GMDS: variants seen among roughly 807,000 people sequenced by gnomAD.
GMDS encodes GDP-mannose 4,6-dehydratase.
GMDS carries 20 observed loss-of-function variants against 49.9 expected under a neutral mutation model. That is an observed-to-expected ratio of 0.40 (90% CI 0.28 to 0.58). GMDS has a LOEUF of 0.58. Ranked by LOEUF, GMDS falls within the 20% of genes least tolerant of loss-of-function variation. GMDS has a pLI of 0.42. For missense variants in GMDS, 362 were observed against 481.4 expected, an observed-to-expected ratio of 0.75 and a Z score of 2.32; for synonymous variants, 177 against 178.6, an observed-to-expected ratio of 0.99 and a Z score of 0.07.
At chr6:1,882,661 C>G (rs907730679) in intron 7 of GMDS, among the ~76,000 whole-genome samples, 1 of 152,166 alleles carries the variant, frequency 6.6e-6, no homozygotes, top group African/African-American at 2.4e-5. Flanking sequence ...AGCAGAGGGT[C>G]AGTGAGCAAA....
chr6:1,985,781 A>T (rs1765508424), intron 4 of GMDS, among the ~76,000 whole-genome samples: 1 of 152,206 alleles, frequency 6.6e-6, no homozygotes. Context: ...AGAGGGAGCA[A>T]GAGAAGGGTG....
chr6:2,082,409 G>A (rs907573837), intron 4 of GMDS, among the ~76,000 whole-genome samples: 2 of 152,224 alleles, frequency 1.3e-5, no homozygotes, highest in African/African-American at 4.8e-5. Context: ...CAGGCCAGCG[G>A]CCCAGGGCCC....
At chr6:2,142,504 C>T (rs1004946856) in intron 1 of GMDS, among the ~76,000 whole-genome samples, 1 of 152,156 alleles carries the variant, frequency 6.6e-6, no homozygotes, top group African/African-American at 2.4e-5. Context: ...GGTGTTTCTA[C>T]AAGCCAAGGA....
intron 4 of GMDS, among the ~76,000 whole-genome samples, chr6:1,975,974 C>T (rs1019434182): frequency 1.2e-4 from 18 of 151,760 alleles, no homozygotes; most frequent in African/African-American, 4.1e-4. Context: ...GAGATGGTCA[C>T]CTGGAACTCG....
rs530697387 is a variant in GMDS at position 2,137,606 on chromosome 6, T to C, written c.103-12875A>G. Among the ~76,000 whole-genome samples, 30 of 152,336 alleles carry C rather than the reference T, an allele frequency of 2.0e-4. 1 individual carries two copies. The highest frequency in any genetic ancestry group is 3.4e-3 in the Middle Eastern group (1 of 294). Reference sequence around the variant, plus strand: ...ACTTTGGCTTCCCAAAGTGCTGGGATTGCAGGTGTGAGCCACCGCGCCCGG... The same window carrying C: ...ACTTTGGCTTCCCAAAGTGCTGGGACTGCAGGTGTGAGCCACCGCGCCCGG... On this transcript the variant is annotated intron_variant, in intron 1 of 10. Coordinates refer to ENST00000380815, the MANE Select transcript of GMDS (RefSeq NM_001500.4).
intron 6 of GMDS, among the ~76,000 whole-genome samples, chr6:1,934,816 T>C (rs2127250819): frequency 6.6e-6 from 1 of 152,234 alleles, no homozygotes; most frequent in South Asian, 2.1e-4. Context: ...AGGAAGAAAC[T>C]ATATAAAAGC....
At chr6:1,636,396 C>A (rs1367620935) in intron 9 of GMDS, among the ~76,000 whole-genome samples, 2 of 152,228 alleles carry the variant, frequency 1.3e-5, no homozygotes, top group African/African-American at 4.8e-5. Context: ...TGAGCCAGGG[C>A]TGACAAAGGG....
chr6:2,178,362 G>A (rs965610939), intron 1 of GMDS, among the ~76,000 whole-genome samples: 1 of 152,142 alleles, frequency 6.6e-6, no homozygotes, highest in African/African-American at 2.4e-5. Flanking sequence ...GAGGTGAAGG[G>A]GAAGGAGGCA....
chr6:1,969,880 T>C (rs1764501640), intron 4 of GMDS, among the ~76,000 whole-genome samples: 1 of 152,208 alleles, frequency 6.6e-6, no homozygotes. Flanking sequence ...GGTTAAGGGC[T>C]CTGTTTGTTT....
chr6:1,865,091 G>A (rs1353577232), intron 7 of GMDS, among the ~76,000 whole-genome samples: 1 of 152,128 alleles, frequency 6.6e-6, no homozygotes, highest in Admixed American at 6.5e-5. Flanking sequence ...TCTCTTCAGG[G>A]ATTATCATTT....
chr6:2,194,172 T>C (rs761677699), intron 1 of GMDS, among the ~76,000 whole-genome samples: 1 of 152,164 alleles, frequency 6.6e-6, no homozygotes, highest in Non-Finnish European at 1.5e-5. Context: ...ACTGTGTGTG[T>C]GTGTGAGGGG....
chr6:1,717,202 A>C (rs1463231696), intron 9 of GMDS, among the ~76,000 whole-genome samples: 1 of 152,268 alleles, frequency 6.6e-6, no homozygotes, highest in Admixed American at 6.5e-5. Context: ...ACTGTAAGAC[A>C]ATGAATCTGG....
intron 4 of GMDS, among the ~76,000 whole-genome samples, chr6:2,012,243 C>T (rs1197175997): frequency 6.6e-6 from 1 of 151,828 alleles, no homozygotes; most frequent in African/African-American, 2.4e-5. Context: ...GCACTCACAC[C>T]CCCTAAATTT....
At chr6:1,660,571 T>C (rs1163173072) in intron 9 of GMDS, among the ~76,000 whole-genome samples, 3 of 145,486 alleles carry the variant, frequency 2.1e-5, no homozygotes, top group African/African-American at 5.6e-5. Flanking sequence ...AATGAAAACA[T>C]GTGTCAATGA....
intron 1 of GMDS, among the ~76,000 whole-genome samples, chr6:2,130,133 C>T (rs1775651986): frequency 6.6e-6 from 1 of 152,096 alleles, no homozygotes; most frequent in Non-Finnish European, 1.5e-5. Context: ...CTAATGACTA[C>T]AATTGAGAAC....
At chr6:1,758,151 C>T (rs887629335) in intron 7 of GMDS, among the ~76,000 whole-genome samples, 3 of 152,198 alleles carry the variant, frequency 2.0e-5, no homozygotes, top group Non-Finnish European at 2.9e-5. Flanking sequence ...CTACTCTAAT[C>T]CTGTTTGCTT....
chr6:2,216,564 A>G (rs752199975), intron 1 of GMDS, among the ~76,000 whole-genome samples: 1 of 152,192 alleles, frequency 6.6e-6, no homozygotes, highest in South Asian at 2.1e-4. Context: ...GCCTGACTTC[A>G]GTTAAAGAGG....
At chr6:2,164,541 C>G (rs1777565296) in intron 1 of GMDS, among the ~76,000 whole-genome samples, 1 of 152,152 alleles carries the variant, frequency 6.6e-6, no homozygotes, top group South Asian at 2.1e-4. Context: ...GGTGGAGAGG[C>G]CACATCCACT....
chr6:1,703,245 G>T (rs927091496), intron 9 of GMDS, among the ~76,000 whole-genome samples: 4 of 152,064 alleles, frequency 2.6e-5, no homozygotes, highest in African/African-American at 9.7e-5. Flanking sequence ...CTCTCTCTCT[G>T]CCTCCTCTGT....
Sources: allele counts gnomAD v4.1 joint callset (sites outside exome capture counted in the v4.1 genomes callset), GRCh38; gene constraint gnomAD v4.1.1; transcripts MANE v1.5; gene names NCBI Gene and HGNC (gene_info 2026-07-23, HGNC 2026-07-21).